PDIA6: variants seen among roughly 807,000 people sequenced by gnomAD.
PDIA6 encodes protein disulfide-isomerase A6.
In PDIA6, 29 loss-of-function variants were observed where a neutral mutation model predicts 58.4. The ratio of observed to expected loss-of-function variants is 0.50; its 90% CI spans 0.37 to 0.68. PDIA6 has a LOEUF of 0.68. PDIA6 is among the 30% of genes least tolerant of loss of function. The pLI is 0.00. For synonymous variants in PDIA6, 192 were observed against 202.6 expected (o/e 0.95, Z 0.44); for missense variants, 480 against 551.0 (o/e 0.87, Z 1.29).
At chr2:10,785,433 T>C (rs923894464) in intron 11 of PDIA6, among the ~76,000 whole-genome samples, 1 of 152,198 alleles carries the variant, frequency 6.6e-6, no homozygotes. Context: ...CTGGTTCCAG[T>C]GCGCTGGCAG....
At position 10,788,760 on chromosome 2, in the gene PDIA6, C is replaced by T. The variant is rs777002140; in HGVS notation, c.935G>A (p.Gly312Asp). 2 of 1,612,156 alleles carry T rather than the reference C, an allele frequency of 1.2e-6. No individual in the cohort carries two copies. Among genetic ancestry groups the T allele is most frequent in the Admixed American group, 1.7e-5 (1 of 60,002 alleles). ...AAGAACTTCCAGATAAGAATTTCTG[C>T]CTGCAGCTCCTGATTTAAATAGACA... ...LPHILDTGAA[G>D]RNSYLEVLLK... The change falls in exon 10 of 13, where the codon GGC becomes GAC. Residue 312 changes from glycine to aspartate, a missense_variant. Physicochemically the swap from Gly to Asp is moderately conservative, Grantham distance 94. Transcript: ENST00000272227.
At chr2:10,789,980 A>ATT (rs199881762) in intron 7 of PDIA6, 91 bp from the exon 8 acceptor site, 677 of 826,358 alleles carry the variant, frequency 8.2e-4, no homozygotes, top group African/African-American at 1.0e-3. Flanking sequence ...CTTATAGGTA[A>ATT]TTTTTTTTTT....
At chr2:10,803,315 G>T (rs1425310013) in intron 1 of PDIA6, among the ~76,000 whole-genome samples, 1 of 152,118 alleles carries the variant, frequency 6.6e-6, no homozygotes, top group Non-Finnish European at 1.5e-5. Flanking sequence ...GTGCCATCAC[G>T]CCCGGCTAAT....
chr2:10,830,423 C>T (rs758588506), intron 1 of PDIA6, among the ~76,000 whole-genome samples: 8 of 152,236 alleles, frequency 5.3e-5, no homozygotes, highest in Non-Finnish European at 7.3e-5. Flanking sequence ...AAGGTTCTCT[C>T]GGGCACCTTT....
At chr2:10,822,989 A>C (rs907375644) in intron 1 of PDIA6, 2 of 152,234 alleles carry the variant, frequency 1.3e-5, no homozygotes, top group African/African-American at 2.4e-5. Flanking sequence ...CCCATGGCTT[A>C]TCTGGGGCCA....
At chr2:10,808,804 T>C (rs547903724) in intron 1 of PDIA6, among the ~76,000 whole-genome samples, 8 of 152,278 alleles carry the variant, frequency 5.3e-5, no homozygotes, top group East Asian at 1.9e-4. Flanking sequence ...GAAGACTTAA[T>C]GGAGGGAAAA....
intron 1 of PDIA6, among the ~76,000 whole-genome samples, chr2:10,831,059 C>T (rs986456873): frequency 8.5e-5 from 13 of 152,346 alleles, no homozygotes; most frequent in East Asian, 5.8e-4. Context: ...CAGCGGACTC[C>T]GCTCTGCTTC....
chr2:10,813,051 G>C (rs1315865250), upstream of PDIA6, among the ~76,000 whole-genome samples: 1 of 152,158 alleles, frequency 6.6e-6, no homozygotes, highest in African/African-American at 2.4e-5. Context: ...GGTGCTGCTC[G>C]GAGGGGAGTC....
At position 10,800,279 on chromosome 2, in the gene PDIA6, T is replaced by C. The variant is rs1476701039; in HGVS notation, c.161+2220A>G. Among the ~76,000 whole-genome samples, 7 of 152,210 alleles carry C rather than the reference T, an allele frequency of 4.6e-5. No homozygotes were observed. The South Asian group carries it at 1.2e-3, about 27-fold the overall frequency. On this transcript the variant is annotated intron_variant, in intron 2 of 12. Transcript: ENST00000272227. ...AAATGTTCCAAAATCCAAAACTTTC[T>C]GAGCGACAACATGACACTCACAGGA...
At chr2:10,789,047 G>C (rs1665912798) in intron 8 of PDIA6, 66 bp from the exon 9 acceptor site, 2 of 1,167,246 alleles carry the variant, frequency 1.7e-6, no homozygotes, top group Admixed American at 3.4e-5. Flanking sequence ...AGGTAAGCTG[G>C]CAAACAAGAC....
upstream of PDIA6, among the ~76,000 whole-genome samples, chr2:10,832,826 G>C (rs998579949): frequency 6.6e-6 from 1 of 152,162 alleles, no homozygotes; most frequent in Admixed American, 6.5e-5. Context: ...CTTGCCACAG[G>C]AACAGGGTAA....
intron 1 of PDIA6, among the ~76,000 whole-genome samples, chr2:10,809,779 T>C (rs891402427): frequency 6.6e-6 from 1 of 152,060 alleles, no homozygotes; most frequent in South Asian, 2.1e-4. Context: ...ACTGAGCCTA[T>C]TGTGAAATTT....
intron 1 of PDIA6, chr2:10,821,586 T>A (rs1239647402): frequency 6.6e-6 from 1 of 152,158 alleles, no homozygotes; most frequent in Non-Finnish European, 1.5e-5. Flanking sequence ...GGGTTGTAAG[T>A]GTTTCTGTGA....
intron 1 of PDIA6, among the ~76,000 whole-genome samples, chr2:10,826,013 C>G (rs1019464679): frequency 2.0e-5 from 3 of 152,234 alleles, no homozygotes; most frequent in African/African-American, 7.2e-5. Flanking sequence ...ACACAAAACA[C>G]ATACAGGTAT....
At chr2:10,803,505 C>CACATTATCA (rs78452322) in intron 1 of PDIA6, among the ~76,000 whole-genome samples, 73,566 of 151,466 alleles carry the variant, frequency 0.49, 19,333 homozygotes, top group South Asian at 0.58. Context: ...CTATCCATAA[C>CACATTATCA]ACATTATCAG....
upstream of PDIA6, among the ~76,000 whole-genome samples, chr2:10,836,078 G>A (rs568528827): frequency 5.9e-5 from 9 of 151,920 alleles, no homozygotes; most frequent in South Asian, 1.7e-3. Flanking sequence ...CTTTCAGACC[G>A]TGGAGTACCT....
chr2:10,801,310 T>A (rs1666502983), intron 2 of PDIA6, among the ~76,000 whole-genome samples: 1 of 152,070 alleles, frequency 6.6e-6, no homozygotes, highest in African/African-American at 2.4e-5. Flanking sequence ...AGACATTCAG[T>A]CACCCAAACA....
chr2:10,787,330 CA>C lies in PDIA6; in HGVS notation c.1107del (p.Phe369LeufsTer4). 1 of 1,614,164 alleles carries C rather than the reference CA, an allele frequency of 6.2e-7. No individual in the cohort carries two copies. Among genetic ancestry groups the C allele is most frequent in the Non-Finnish European group, 8.5e-7 (1 of 1,180,032 alleles). On this transcript the variant is annotated frameshift_variant, in exon 11 of 13. Coordinates refer to ENST00000272227, the MANE Select transcript of PDIA6 (RefSeq NM_005742.4). LOFTEE classifies it high-confidence loss of function. ...TCACTGAAGGAGCCTTTTAGCAGAG[CA>C]AATTTCATCTTGCGTGCATTGATGG... ...MAAINARKMKFALLKGSFSEQ... is the reference protein window; with the variant it reads ...MAAINARKMKXALLKGSFSEQ...
chr2:10,815,342 C>G (rs1667159168), upstream of PDIA6: 1 of 152,358 alleles, frequency 6.6e-6, no homozygotes, highest in Non-Finnish European at 1.5e-5. Context: ...AACAGAGAGG[C>G]ACGTTACACT....
Sources: allele counts gnomAD v4.1 joint callset (sites outside exome capture counted in the v4.1 genomes callset), GRCh38; gene constraint gnomAD v4.1.1; transcripts MANE v1.5; gene names NCBI Gene and HGNC (gene_info 2026-07-23, HGNC 2026-07-21).